Variants in RNF217 observed in about 807,000 individuals in gnomAD.
RNF217 encodes E3 ubiquitin-protein ligase RNF217.
A neutral mutation model predicts 57.8 loss-of-function variants in RNF217; 31 were observed. The observed-to-expected ratio is 0.54, with a 90% CI of 0.40 to 0.72. The LOEUF is 0.72. Ranked by LOEUF, RNF217 falls within the 30% of genes least tolerant of loss-of-function variation. The probability of loss-of-function intolerance (pLI) is 0.00; values close to 1 mark genes in which losing one functional copy is unlikely to be tolerated. For missense variants in RNF217, 696 were observed against 708.3 expected, an observed-to-expected ratio of 0.98 and a Z score of 0.20; for synonymous variants, 313 against 294.0, an observed-to-expected ratio of 1.06 and a Z score of -0.66.
chr6:125,051,547 C>A (rs1020736429), intron 2 of RNF217, among the ~76,000 whole-genome samples: 1 of 152,030 alleles, frequency 6.6e-6, no homozygotes, highest in Non-Finnish European at 1.5e-5. Flanking sequence ...ATATGCCTAC[C>A]AGTTGGCCAT....
chr6:125,044,545 AC>A (rs1172189730), intron 1 of RNF217, among the ~76,000 whole-genome samples: 1 of 152,084 alleles, frequency 6.6e-6, no homozygotes, highest in East Asian at 1.9e-4. Flanking sequence ...TTTGTAAATT[AC>A]CGCAGTAGCA....
chr6:125,082,843 T>G, intron 5 of RNF217, 21 bp from the exon 6 acceptor site: 1 of 1,558,058 alleles, frequency 6.4e-7, no homozygotes, highest in South Asian at 1.2e-5. Context: ...CTAACTAACT[T>G]TAATTTTTTC....
chr6:124,998,752 C>T (rs1430319831), intron 1 of RNF217, among the ~76,000 whole-genome samples: 14 of 152,118 alleles, frequency 9.2e-5, no homozygotes, highest in East Asian at 1.9e-4. Context: ...AGTGAGCCAT[C>T]GCACCACTGC....
intron 1 of RNF217, among the ~76,000 whole-genome samples, chr6:125,027,635 A>G (rs1786161075): frequency 6.6e-6 from 1 of 152,054 alleles, no homozygotes; most frequent in Non-Finnish European, 1.5e-5. Context: ...AGATCTCTTC[A>G]ATATACTGAC....
intron 1 of RNF217, among the ~76,000 whole-genome samples, chr6:125,032,095 G>A (rs549758904): frequency 1.3e-4 from 20 of 152,082 alleles, no homozygotes; most frequent in African/African-American, 2.9e-4. Context: ...GGGAAAGACC[G>A]GCCCCCCATG....
rs760038578 is a variant in RNF217, at chr6:125,082,957, A to G, written c.*20A>G. On this transcript the variant is annotated 3_prime_UTR_variant, in exon 6 of 6. Transcript: ENST00000521654. ...TGGTAACATGCAGATGATTTCATCCAGCTAAGCTGGTTGGAGTAGGAGCGA... is the reference window on the plus strand; with the variant it reads ...TGGTAACATGCAGATGATTTCATCCGGCTAAGCTGGTTGGAGTAGGAGCGA... The G allele has an allele frequency of 1.9e-6, 3 of 1,572,296 alleles. No homozygotes were observed. Among genetic ancestry groups the G allele is most frequent in the Non-Finnish European group, 1.7e-6 (2 of 1,161,772 alleles).
chr6:125,071,186 C>T (rs1450094544), intron 3 of RNF217, among the ~76,000 whole-genome samples: 3 of 152,068 alleles, frequency 2.0e-5, no homozygotes, highest in East Asian at 1.9e-4. Context: ...GACATGATTT[C>T]GACTTTTCTT....
At chr6:124,967,021 G>A (rs187000067) in intron 1 of RNF217, among the ~76,000 whole-genome samples, 32 of 152,288 alleles carry the variant, frequency 2.1e-4, no homozygotes, top group South Asian at 1.5e-3. Flanking sequence ...TGATCGCCAC[G>A]GTGAAGAGGT....
chr6:125,049,610 T>C (rs1421125541), intron 2 of RNF217, among the ~76,000 whole-genome samples: 1 of 152,054 alleles, frequency 6.6e-6, no homozygotes, highest in African/African-American at 2.4e-5. Flanking sequence ...ATAGTACCTA[T>C]GTCATAAGAA....
At chr6:124,978,190 T>C (rs1431743587) in intron 1 of RNF217, among the ~76,000 whole-genome samples, 3 of 151,814 alleles carry the variant, frequency 2.0e-5, no homozygotes, top group Non-Finnish European at 4.4e-5. Flanking sequence ...TGGGGCCATG[T>C]ATATGAATAA....
At chr6:125,032,456 CAAATATAT>C (rs2114474616) in intron 1 of RNF217, among the ~76,000 whole-genome samples, 1 of 151,558 alleles carries the variant, frequency 6.6e-6, no homozygotes, top group African/African-American at 2.4e-5. Context: ...ACACTTATGC[CAAATATAT>C]AAATATATAT....
chr6:125,081,475 G>T lies in RNF217; in HGVS notation c.1523G>T (p.Gly508Val), dbSNP rs137981529. ...LFIAPLIMVL[G>V]LALGAIAVVI... ...ATTGCACCTCTAATTATGGTTTTGG[G>T]ATTGGCACTAGGGGCCATAGCGGTT... is the stretch of plus-strand genomic sequence containing the variant. The change falls in exon 5 of 6, where the codon GGA (glycine) becomes GTA (valine). Residue 508 changes from glycine (G) to valine (V), a missense_variant. Coordinates refer to ENST00000521654, the MANE Select transcript of RNF217 (RefSeq NM_001286398.3). 1 of 1,611,410 alleles carries T rather than the reference G, an allele frequency of 6.2e-7. No individual in the cohort carries two copies. The highest frequency in any genetic ancestry group is 1.3e-5 in the African/African-American group (1 of 74,776).
At chr6:124,991,524 T>C (rs1261565608) in intron 1 of RNF217, among the ~76,000 whole-genome samples, 2 of 152,202 alleles carry the variant, frequency 1.3e-5, no homozygotes, top group South Asian at 2.1e-4. Context: ...GTGTTTTATT[T>C]ATTATATTCA....
Position 125,089,531 on chromosome 6 carries a change from A to G in RNF217, c.*6594A>G, listed in dbSNP as rs138013458. ...AAGTAGGTCACATTGAATGTAACTGATATTAACCCTATTCTAGAGAAAACA... is the reference window on the plus strand; with the variant it reads ...AAGTAGGTCACATTGAATGTAACTGGTATTAACCCTATTCTAGAGAAAACA... On this transcript the variant is annotated 3_prime_UTR_variant, in exon 6 of 6. Coordinates refer to ENST00000521654, the MANE Select transcript of RNF217 (RefSeq NM_001286398.3). 1.3e-5 allele frequency: 2 copies of G among 152,306 alleles called. No individual in the cohort carries two copies. The highest frequency in any genetic ancestry group is 3.9e-4 in the East Asian group (2 of 5,192). 9.4% of individuals were successfully genotyped at this position (152,306 alleles called of 1,614,324 possible).
chr6:125,058,975 T>C (rs950178476), intron 3 of RNF217, among the ~76,000 whole-genome samples: 1 of 152,176 alleles, frequency 6.6e-6, no homozygotes, highest in Non-Finnish European at 1.5e-5. Flanking sequence ...TCTTGGAGAC[T>C]TAGCACCAGA....
intron 3 of RNF217, among the ~76,000 whole-genome samples, chr6:125,074,301 A>G (rs149395532): frequency 9.5e-4 from 27 of 28,328 alleles, no homozygotes; most frequent in African/African-American, 1.3e-3. Flanking sequence ...AGATAGGTAG[A>G]TAGATAGATA....
intron 1 of RNF217, among the ~76,000 whole-genome samples, chr6:124,993,686 G>A (rs1028102482): frequency 5.3e-5 from 8 of 152,160 alleles, no homozygotes; most frequent in East Asian, 1.9e-4. Context: ...GGTGCTGGGC[G>A]GCACATAGGA....
At chr6:125,052,027 A>G (rs964815768) in intron 2 of RNF217, among the ~76,000 whole-genome samples, 2 of 152,034 alleles carry the variant, frequency 1.3e-5, no homozygotes, top group Non-Finnish European at 2.9e-5. Flanking sequence ...TAGGAGCAAG[A>G]TGGACTGATA....
At chr6:125,022,466 G>A (rs1410983816) in intron 1 of RNF217, among the ~76,000 whole-genome samples, 1 of 152,142 alleles carries the variant, frequency 6.6e-6, no homozygotes, top group Admixed American at 6.5e-5. Flanking sequence ...GGCTGACAGG[G>A]CCAGAAAGGT....
Sources: allele counts gnomAD v4.1 joint callset (sites outside exome capture counted in the v4.1 genomes callset), GRCh38; gene constraint gnomAD v4.1.1; transcripts MANE v1.5; gene names NCBI Gene and HGNC (gene_info 2026-07-23, HGNC 2026-07-21).